NISCH: variants seen among roughly 807,000 people sequenced by gnomAD.
The protein encoded by NISCH is I-1 receptor candidate protein.
NISCH carries 55 observed loss-of-function variants against 138.4 expected under a neutral mutation model. That is an observed-to-expected ratio of 0.40 (90% CI 0.32 to 0.50). NISCH has a LOEUF of 0.50. NISCH is among the 20% of genes least tolerant of loss of function. The probability of loss-of-function intolerance (pLI) is 0.71; values close to 1 mark genes in which losing one functional copy is unlikely to be tolerated. For missense variants in NISCH, 1,643 were observed against 2,005.5 expected (o/e 0.82, Z 3.45); for synonymous variants, 860 against 861.5 (o/e 1.00, Z 0.03).
intron 9 of NISCH, 56 bp from the exon 10 acceptor site, chr3:52,478,041 C>A (rs1243725010): frequency 5.1e-6 from 8 of 1,577,708 alleles, no homozygotes; most frequent in Non-Finnish European, 6.9e-6. Flanking sequence ...GTGTCAGGCC[C>A]CTATCTTTGG....
chr3:52,472,320 A>G lies in NISCH; in HGVS notation c.591A>G (p.Gly197=). 2 of 1,613,948 alleles carry G rather than the reference A, an allele frequency of 1.2e-6. No individual in the cohort carries two copies. The highest frequency in any genetic ancestry group is 2.2e-5 in the East Asian group (1 of 44,880). The change falls in exon 6 of 21, where the codon GGA becomes GGG. Residue 197 remains glycine, a synonymous_variant. Transcript: ENST00000345716. The part of the protein sequence containing the change: ...LKYLKVSGTE[G]PFGTSNIQEQ... The stretch of plus-strand genomic sequence containing the variant: ...GGCTTCAGGTTTCTGGCACAGAAGG[A>G]CCTTTTGGGACCAGCAACATTCAGG...
At chr3:52,485,870 C>T in intron 15 of NISCH, 43 bp downstream of exon 15, 1 of 1,545,806 alleles carries the variant, frequency 6.5e-7, no homozygotes, top group Non-Finnish European at 8.8e-7. Context: ...GGCCACACAG[C>T]CTTATGCACA....
chr3:52,475,509 A>C (rs552988270), intron 7 of NISCH: 19 of 152,268 alleles, frequency 1.2e-4, no homozygotes, highest in African/African-American at 4.1e-4. Context: ...CTGCCTGGAA[A>C]CTGAATTCTC....
At chr3:52,456,127 G>A (rs1005174512) in intron 1 of NISCH, among the ~76,000 whole-genome samples, 23 of 152,058 alleles carry the variant, frequency 1.5e-4, no homozygotes, top group African/African-American at 5.6e-4. Context: ...TGGGGAGAGG[G>A]TCTCTGATGG....
intron 3 of NISCH, among the ~76,000 whole-genome samples, chr3:52,463,928 T>C (rs1176504383): frequency 1.3e-5 from 2 of 150,624 alleles, no homozygotes; most frequent in African/African-American, 4.9e-5. Flanking sequence ...GGTTTCACCA[T>C]GTCGGCCAGG....
intron 12 of NISCH, 52 bp downstream of exon 12, chr3:52,479,914 G>A (rs1157012895): frequency 1.4e-6 from 2 of 1,446,728 alleles, no homozygotes; most frequent in African/African-American, 1.4e-5. Flanking sequence ...AGCCGGGATA[G>A]GAGCCAGTTT....
chr3:52,458,717 G>A lies in NISCH; in HGVS notation c.233G>A (p.Gly78Glu). 1 of 1,613,940 alleles carries A rather than the reference G, an allele frequency of 6.2e-7. No homozygotes were observed. ...KNLLPPKKII[G>E]KNSRSLVEKR... ...CTGCTTCCGCCCAAAAAGATAATTG[G>A]GAAAAACTCAAGAAGCTTGGTGGAG... The change falls in exon 3 of 21, where the codon GGG becomes GAG. Residue 78 changes from glycine (G) to glutamate (E), a missense_variant. Gly to Glu is a moderately conservative substitution (Grantham distance 98). Transcript: ENST00000345716.
chr3:52,484,527 C>A lies in NISCH; in HGVS notation c.1543C>A (p.Gln515Lys). The A allele has an allele frequency of 7.2e-7, 1 of 1,388,188 alleles. No individual in the cohort carries two copies. The highest frequency in any genetic ancestry group is 1.1e-5 in the South Asian group (1 of 88,282). 86.0% of individuals were successfully genotyped at this position (1,388,188 alleles called of 1,614,324 possible). Residue 515 changes from glutamine to lysine, a missense_variant, in exon 14 of 21, where the codon CAG becomes AAG. Physicochemically the swap from Gln to Lys is moderately conservative, Grantham distance 53 (BLOSUM62 1). Transcript: ENST00000345716. ...GGTCTCTCCAGGAATCATGTTCGTT[C>A]AGGAGGAGGCCCTGGCCAGCAGCCT... ...ILSNQGIMFVQEEALASSLSS... is the reference protein window; with the variant it reads ...ILSNQGIMFVKEEALASSLSS...
At position 52,489,508 on chromosome 3, in the gene NISCH, G is replaced by T. The variant is rs766334481; in HGVS notation, c.3286G>T (p.Ala1096Ser). The T allele has an allele frequency of 3.7e-6, 6 of 1,612,294 alleles. No homozygotes were observed. Among genetic ancestry groups the T allele is most frequent in the Non-Finnish European group, 4.2e-6 (5 of 1,179,292 alleles). Residue 1096 changes from alanine to serine, a missense_variant, in exon 17 of 21, where the codon GCC (alanine) becomes TCC (serine). Coordinates refer to ENST00000345716, the MANE Select transcript of NISCH (RefSeq NM_007184.4). ...AGAGGAGACGCCAGTGGAAGCTCCA[G>T]CCCCACCCCCAGCCGAGGCCCCTGC... is the stretch of plus-strand genomic sequence containing the variant. ...VPEETPVEAP[A>S]PPPAEAPAQY...
At position 52,484,525 on chromosome 3, in the gene NISCH, T is replaced by G; in HGVS notation, c.1541T>G (p.Val514Gly). ...CTGGTCTCTCCAGGAATCATGTTCG[T>G]TCAGGAGGAGGCCCTGGCCAGCAGC... is the stretch of plus-strand genomic sequence containing the variant. ...PILSNQGIMF[V>G]QEEALASSLS... Residue 514 changes from valine to glycine, a missense_variant, in exon 14 of 21, where the codon GTT (valine) becomes GGT (glycine). By Grantham distance (109) the Val-to-Gly change is moderately radical (BLOSUM62 -3). Transcript: ENST00000345716. The G allele has an allele frequency of 6.7e-7, 1 of 1,498,284 alleles. No homozygotes were observed. The highest frequency in any genetic ancestry group is 9.0e-7 in the Non-Finnish European group (1 of 1,109,104). The allele number at this position is 1,498,284 out of a possible 1,614,324, so 92.8% of individuals were successfully genotyped here. A position where few individuals can be genotyped will look rare whatever the true frequency, so the allele number is the denominator to read the frequency against.
At chr3:52,483,844 A>G (rs372364712) in intron 13 of NISCH, among the ~76,000 whole-genome samples, 3 of 152,272 alleles carry the variant, frequency 2.0e-5, no homozygotes, top group African/African-American at 7.2e-5. Context: ...TGATGGATGT[A>G]CCTCCAAACT....
chr3:52,490,540 C>T (rs892602270), intron 18 of NISCH, among the ~76,000 whole-genome samples, 165 bp from the exon 19 acceptor site: 24 of 152,218 alleles, frequency 1.6e-4, no homozygotes, highest in Non-Finnish European at 3.1e-4. Context: ...GGTGACTCCC[C>T]TGAGCTGGAA....
At chr3:52,477,776 C>T (rs769836936) in intron 9 of NISCH, 134 bp downstream of exon 9, 2 of 737,424 alleles carry the variant, frequency 2.7e-6, no homozygotes, top group Non-Finnish European at 4.8e-6. Flanking sequence ...CTTTAGGATC[C>T]CAGCAATGCA....
Position 52,473,735 on chromosome 3 carries a change from T to A in NISCH, c.671T>A (p.Ile224Lys). Residue 224 changes from isoleucine to lysine, a missense_variant and splice_region_variant, in exon 7 of 21, where the codon ATA becomes AAA. Transcript: ENST00000345716. ...AGATGCAGCTGTTCTTTGTTCCAGA[T>A]AAGTCACTGTGATGCTAAGCACATC... ...SIFKSLHQVE[I>K]SHCDAKHIRG... The A allele has an allele frequency of 6.3e-7, 1 of 1,588,778 alleles. No homozygotes were observed. The highest frequency in any genetic ancestry group is 2.3e-5 in the East Asian group (1 of 44,158).
chr3:52,492,698 T>C lies in NISCH; in HGVS notation c.*216T>C. 1.6e-6 allele frequency: 1 copy of C among 631,782 alleles called. No individual in the cohort carries two copies. Among genetic ancestry groups the C allele is most frequent in the South Asian group, 2.2e-5 (1 of 45,390 alleles). 39.1% of individuals were successfully genotyped at this position (631,782 alleles called of 1,614,324 possible). A position where few individuals can be genotyped will look rare whatever the true frequency, so the allele number is the denominator to read the frequency against. On this transcript the variant is annotated 3_prime_UTR_variant, in exon 21 of 21. Transcript: ENST00000345716. ...CAGGGCTGTCGGTGTGCTGTCAGCC[T>C]CCCACAGGTGGTACAGCCGTGCACA...
At chr3:52,477,920 C>A in intron 9 of NISCH, 177 bp from the exon 10 acceptor site, 1 of 710,460 alleles carries the variant, frequency 1.4e-6, no homozygotes, top group African/African-American at 1.8e-5. Flanking sequence ...GCAGGGGTGC[C>A]ACTGTGCTGT....
At chr3:52,470,711 T>G (rs1706919321) in intron 3 of NISCH, 148 bp from the exon 4 acceptor site, 1 of 709,492 alleles carries the variant, frequency 1.4e-6, no homozygotes, top group African/African-American at 1.8e-5. Context: ...AGCTTCTTGC[T>G]TCATTGTAGG....
At chr3:52,481,007 C>T (rs1183795966) in intron 13 of NISCH, 2 of 1,407,714 alleles carry the variant, frequency 1.4e-6, no homozygotes, top group Non-Finnish European at 1.8e-6. Context: ...AAGGACGCCG[C>T]CTGCCCGGGC....
chr3:52,473,775 A>G lies in NISCH; in HGVS notation c.711A>G (p.Ala237=). 4 of 1,609,674 alleles carry G rather than the reference A, an allele frequency of 2.5e-6. No individual in the cohort carries two copies. The highest frequency in any genetic ancestry group is 2.2e-5 in the East Asian group (1 of 44,708). The stretch of plus-strand genomic sequence containing the variant: ...CTAAGCACATCAGAGGGCTGGTCGC[A>G]TCGAAGCCCACCTTAGCCACGCTGA... ...CDAKHIRGLV[A]SKPTLATLSV... The change falls in exon 7 of 21, where the codon GCA becomes GCG. Residue 237 remains alanine, a synonymous_variant. Coordinates refer to ENST00000345716, the MANE Select transcript of NISCH (RefSeq NM_007184.4).
Sources: allele counts gnomAD v4.1 joint callset (sites outside exome capture counted in the v4.1 genomes callset), GRCh38; gene constraint gnomAD v4.1.1; transcripts MANE v1.5; gene names NCBI Gene and HGNC (gene_info 2026-07-23, HGNC 2026-07-21).